Variants in PDE4D observed in about 807,000 individuals in gnomAD.
PDE4D encodes phosphodiesterase 4D.
Under a neutral mutation model 87.4 loss-of-function variants are expected in PDE4D, and 24 were observed. The ratio of observed to expected loss-of-function variants is 0.27; its 90% CI spans 0.20 to 0.39. The LOEUF (loss-of-function observed/expected upper bound fraction) is 0.39. Among genes scored for constraint, PDE4D ranks in the 10% least tolerant of loss-of-function variants. The pLI is 1.00. For synonymous variants in PDE4D, 384 were observed against 383.2 expected (o/e 1.00, Z -0.02); for missense variants, 714 against 1,041.0 (o/e 0.69, Z 4.32).
intron 2 of PDE4D, among the ~76,000 whole-genome samples, chr5:60,107,205 T>C (rs1036391024): frequency 2.0e-5 from 3 of 152,150 alleles, no homozygotes; most frequent in Non-Finnish European, 4.4e-5. Context: ...AAATACAAAC[T>C]ACCATTAGAG....
chr5:59,064,587 A>G (rs1420168443), intron 5 of PDE4D, among the ~76,000 whole-genome samples: 1 of 152,212 alleles, frequency 6.6e-6, no homozygotes, highest in Admixed American at 6.5e-5. Context: ...TAAATCTACT[A>G]GTGGTGAATT....
At chr5:59,487,452 A>C (rs1309851362) in intron 1 of PDE4D, among the ~76,000 whole-genome samples, 1 of 152,206 alleles carries the variant, frequency 6.6e-6, no homozygotes, top group Non-Finnish European at 1.5e-5. Flanking sequence ...AACCAGACTC[A>C]CAGCACAAGG....
intron 2 of PDE4D, among the ~76,000 whole-genome samples, chr5:60,130,998 A>G (rs974148038): frequency 6.6e-6 from 1 of 152,186 alleles, no homozygotes; most frequent in Non-Finnish European, 1.5e-5. Flanking sequence ...TTAAGATTAC[A>G]TTTCCTTTTC....
chr5:59,577,477 A>G (rs1344932483), intron 1 of PDE4D, among the ~76,000 whole-genome samples: 1 of 152,130 alleles, frequency 6.6e-6, no homozygotes, highest in Non-Finnish European at 1.5e-5. Flanking sequence ...GAAATGAGTA[A>G]ATTAACTAGG....
At position 59,199,352 on chromosome 5, in the gene PDE4D, G is replaced by A. The variant is rs1746209155; in HGVS notation, c.648-5816C>T. Among the ~76,000 whole-genome samples the A allele has an allele frequency of 8.6e-5, 13 of 151,252 alleles. No homozygotes were observed. The South Asian group carries it at 2.7e-3, about 32-fold the overall frequency. The stretch of plus-strand genomic sequence containing the variant: ...AAGTGATCTTCCTGTCTCAGTCTAT[G>A]GGGTGCCTAGGATTACAGGTGTGCA... On this transcript the variant is annotated intron_variant, in intron 2 of 14. Transcript: ENST00000340635.
At chr5:59,444,238 C>G in intron 1 of PDE4D, among the ~76,000 whole-genome samples, 1 of 151,966 alleles carries the variant, frequency 6.6e-6, no homozygotes, top group East Asian at 1.9e-4. Flanking sequence ...ACATGCAAAC[C>G]CTGGGCTTGG....
intron 3 of PDE4D, among the ~76,000 whole-genome samples, chr5:59,951,766 G>T (rs1388951149): frequency 1.3e-5 from 2 of 152,028 alleles, no homozygotes; most frequent in South Asian, 2.1e-4. Flanking sequence ...AATGTATTTT[G>T]TCCAAAAATA....
rs1045939295 is a variant in PDE4D, at chr5:59,477,839, C to T, written c.456-261871G>A. 7.2e-5 allele frequency among the ~76,000 whole-genome samples: 11 copies of T among 152,136 alleles called. No homozygotes were observed. The South Asian group carries it at 2.3e-3, about 32-fold the overall frequency. On this transcript the variant is annotated intron_variant, in intron 1 of 14. Transcript: ENST00000340635. The stretch of plus-strand genomic sequence containing the variant: ...GGATAAAGAAAATGTGGTACAAATA[C>T]ACCATGAAATACTATGCAGCCATAA...
chr5:59,734,704 C>G (rs763680078), intron 1 of PDE4D, among the ~76,000 whole-genome samples: 3 of 151,516 alleles, frequency 2.0e-5, no homozygotes, highest in Admixed American at 6.6e-5. Context: ...AAAAAAAATT[C>G]TCTTTTCCTT....
At chr5:60,435,749 T>A (rs950456814) in intron 1 of PDE4D, among the ~76,000 whole-genome samples, 2 of 152,114 alleles carry the variant, frequency 1.3e-5, no homozygotes, top group Non-Finnish European at 2.9e-5. Context: ...TTTCAAGATT[T>A]TTTTTTAGAA....
At chr5:59,293,348 G>C (rs950859202) in intron 1 of PDE4D, among the ~76,000 whole-genome samples, 5 of 152,048 alleles carry the variant, frequency 3.3e-5, no homozygotes, top group Non-Finnish European at 4.4e-5. Context: ...ACCAGGATGA[G>C]AGTCATTATT....
chr5:59,940,727 G>A (rs935613318), intron 3 of PDE4D, among the ~76,000 whole-genome samples: 1 of 152,146 alleles, frequency 6.6e-6, no homozygotes. Context: ...GAAGGCCTAA[G>A]TTGAAGATAA....
At chr5:60,274,829 T>C (rs570273036) in intron 1 of PDE4D, among the ~76,000 whole-genome samples, 1 of 152,304 alleles carries the variant, frequency 6.6e-6, no homozygotes, top group East Asian at 1.9e-4. Flanking sequence ...ACTTGGAAAA[T>C]TTTTTAAAAT....
At chr5:59,424,652 G>A in intron 1 of PDE4D, among the ~76,000 whole-genome samples, 1 of 152,138 alleles carries the variant, frequency 6.6e-6, no homozygotes, top group Admixed American at 6.5e-5. Context: ...TATCACGAGA[G>A]CAGCATGGGG....
At chr5:59,799,376 G>A (rs1457063325) in intron 1 of PDE4D, among the ~76,000 whole-genome samples, 2 of 152,142 alleles carry the variant, frequency 1.3e-5, no homozygotes, top group South Asian at 2.1e-4. Context: ...AAAACCACAT[G>A]GGAAGAATTC....
At chr5:60,020,992 A>G (rs1766009877) in intron 2 of PDE4D, among the ~76,000 whole-genome samples, 1 of 152,172 alleles carries the variant, frequency 6.6e-6, no homozygotes, top group Non-Finnish European at 1.5e-5. Flanking sequence ...ATTTTATTCA[A>G]ACCAATCATT....
At chr5:59,216,153 T>C (rs1024883891) in intron 1 of PDE4D, among the ~76,000 whole-genome samples, 185 bp from the exon 2 acceptor site, 1 of 152,194 alleles carries the variant, frequency 6.6e-6, no homozygotes, top group African/African-American at 2.4e-5. Flanking sequence ...GACTTCACAT[T>C]CTTGTTCTCC....
At chr5:59,448,092 G>A (rs1229215824) in intron 1 of PDE4D, among the ~76,000 whole-genome samples, 1 of 152,210 alleles carries the variant, frequency 6.6e-6, no homozygotes, top group Non-Finnish European at 1.5e-5. Context: ...TCGTAGTCAG[G>A]GGCAGATTTT....
At chr5:59,278,193 C>G (rs1420601253) in intron 1 of PDE4D, among the ~76,000 whole-genome samples, 1 of 152,064 alleles carries the variant, frequency 6.6e-6, no homozygotes, top group African/African-American at 2.4e-5. Context: ...GACCATTTCT[C>G]ACATGAACAT....
Sources: allele counts gnomAD v4.1 joint callset (sites outside exome capture counted in the v4.1 genomes callset), GRCh38; gene constraint gnomAD v4.1.1; transcripts MANE v1.5; gene names NCBI Gene and HGNC (gene_info 2026-07-23, HGNC 2026-07-21).